Variants in MGMT observed in about 807,000 individuals in gnomAD.
MGMT encodes the protein methylated-DNA--protein-cysteine methyltransferase.
Under a neutral mutation model 15.9 loss-of-function variants are expected in MGMT, and 14 were observed. The observed-to-expected ratio is 0.88, with a 90% confidence interval of 0.58 to 1.37. The LOEUF is 1.37. Among genes scored for constraint, MGMT ranks in the 40% most tolerant of loss-of-function variants. The probability of loss-of-function intolerance (pLI) is 0.00; values close to 1 mark genes in which losing one functional copy is unlikely to be tolerated. For missense variants in MGMT, 282 were observed against 268.1 expected (o/e 1.05, Z -0.36); for synonymous variants, 130 against 118.2 (o/e 1.10, Z -0.65).
chr10:129,713,088 T>C (rs1848251654), intron 3 of MGMT, among the ~76,000 whole-genome samples: 1 of 152,208 alleles, frequency 6.6e-6, no homozygotes, highest in Admixed American at 6.5e-5. Flanking sequence ...CAGCACTTTG[T>C]ACCGATATTT....
At chr10:129,702,974 G>A (rs1848117290) in intron 2 of MGMT, among the ~76,000 whole-genome samples, 2 of 152,212 alleles carry the variant, frequency 1.3e-5, no homozygotes, top group South Asian at 4.1e-4. Flanking sequence ...CAGGGAAGGA[G>A]GAGAGGGCAG....
At chr10:129,595,841 C>G (rs1196808283) in intron 2 of MGMT, among the ~76,000 whole-genome samples, 1 of 152,098 alleles carries the variant, frequency 6.6e-6, no homozygotes, top group East Asian at 1.9e-4. Context: ...CTGTCTTGCA[C>G]TCAAGCAGAG....
At chr10:129,627,486 G>T (rs571085282) in intron 2 of MGMT, among the ~76,000 whole-genome samples, 2 of 152,254 alleles carry the variant, frequency 1.3e-5, no homozygotes, top group East Asian at 3.9e-4. Flanking sequence ...AGTGTATGAT[G>T]GTAGTGACTT....
intron 1 of MGMT, among the ~76,000 whole-genome samples, chr10:129,522,614 C>G (rs1845826159): frequency 6.6e-6 from 1 of 152,238 alleles, no homozygotes; most frequent in African/African-American, 2.4e-5. Flanking sequence ...TCTGAATGTA[C>G]AAATTCCATC....
intron 2 of MGMT, among the ~76,000 whole-genome samples, chr10:129,650,151 T>C (rs1325704006): frequency 6.6e-6 from 1 of 152,204 alleles, no homozygotes; most frequent in East Asian, 1.9e-4. Flanking sequence ...TTTGGGGGCT[T>C]CTAGCGAATA....
chr10:129,583,632 T>TC (rs2133048551), intron 2 of MGMT, among the ~76,000 whole-genome samples: 1 of 152,290 alleles, frequency 6.6e-6, no homozygotes, highest in African/African-American at 2.4e-5. Context: ...ATCTGATACA[T>TC]CCCCCTTGCC....
At chr10:129,615,201 T>C (rs1416240658) in intron 2 of MGMT, among the ~76,000 whole-genome samples, 1 of 152,198 alleles carries the variant, frequency 6.6e-6, no homozygotes, top group Admixed American at 6.5e-5. Flanking sequence ...TTCTAATGTC[T>C]AGAAATTAGG....
In MGMT at chr10:129,601,086, A is replaced by AT. The variant is rs113444809; in HGVS notation, c.125+64723dup. Among the ~76,000 whole-genome samples the AT allele has an allele frequency of 9.3e-3, 1,340 of 143,316 alleles. 16 individuals are homozygous for AT. Among genetic ancestry groups the AT allele is most frequent in the African/African-American group, 0.029 (1,134 of 39,260 alleles). 94.0% of individuals were successfully genotyped at this position (143,316 alleles called of 152,430 possible). On this transcript the variant is annotated intron_variant, in intron 2 of 4. Transcript: ENST00000651593. ...TTGGTGGCATTTTTCATCTGAAAGC[A>AT]TTTTTTTTTTTTTTAGCTCAAAAAC...
At chr10:129,675,982 C>T (rs115515123) in intron 2 of MGMT, among the ~76,000 whole-genome samples, 7,424 of 152,258 alleles carry the variant, frequency 0.049, 234 homozygotes, top group South Asian at 0.09. Flanking sequence ...CATGTGTCAC[C>T]ATTGAGTAGC....
chr10:129,489,151 G>A (rs1047156555), intron 1 of MGMT, among the ~76,000 whole-genome samples: 15 of 151,992 alleles, frequency 9.9e-5, no homozygotes, highest in African/African-American at 3.6e-4. Flanking sequence ...ATGAGTTCAG[G>A]AGTTTGAGAC....
intron 3 of MGMT, among the ~76,000 whole-genome samples, chr10:129,709,394 C>T (rs2133143952): frequency 6.6e-6 from 1 of 152,308 alleles, no homozygotes; most frequent in East Asian, 1.9e-4. Context: ...CAGGATGTTG[C>T]TGAATGGCCC....
chr10:129,518,051 C>G (rs35476297), intron 1 of MGMT, among the ~76,000 whole-genome samples: 1 of 151,738 alleles, frequency 6.6e-6, no homozygotes, highest in African/African-American at 2.4e-5. Flanking sequence ...GGGGAGGGAG[C>G]GCTGTCTCCA....
intron 2 of MGMT, among the ~76,000 whole-genome samples, chr10:129,629,245 C>G (rs929768960): frequency 6.6e-6 from 1 of 152,188 alleles, no homozygotes; most frequent in Non-Finnish European, 1.5e-5. Context: ...ATGAAACATG[C>G]CTTATAAACC....
At chr10:129,559,572 A>C (rs904008996) in intron 2 of MGMT, among the ~76,000 whole-genome samples, 6 of 150,768 alleles carry the variant, frequency 4.0e-5, no homozygotes, top group African/African-American at 1.5e-4. Context: ...CTTACCATGT[A>C]CTCCCGCTGT....
At chr10:129,747,243 T>C (rs1235387467) in intron 3 of MGMT, among the ~76,000 whole-genome samples, 1 of 152,194 alleles carries the variant, frequency 6.6e-6, no homozygotes, top group Non-Finnish European at 1.5e-5. Context: ...AGGGAGAGTT[T>C]GTTTCTTCTT....
rs560553420 is a variant in MGMT, at chr10:129,759,275, A to G, written c.348A>G (p.Gln116=). ...VKFGEVISYQ[Q]LAALAGNPKA... is the part of the protein sequence containing the mutation. ...TCGGAGAAGTGATTTCTTACCAGCA[A>G]TTAGCAGCCCTGGCAGGCAACCCCA... The change falls in exon 4 of 5, where the codon CAA becomes CAG. Residue 116 remains glutamine (Q), a synonymous_variant. Transcript: ENST00000651593. The G allele has an allele frequency of 2.6e-5, 42 of 1,614,210 alleles. 1 individual carries two copies. The South Asian group carries it at 4.3e-4, about 16-fold the overall frequency.
chr10:129,761,606 A>C (rs935565651), intron 4 of MGMT, among the ~76,000 whole-genome samples: 1 of 152,252 alleles, frequency 6.6e-6, no homozygotes, highest in African/African-American at 2.4e-5. Context: ...GTATGGCCTC[A>C]GTCACTGAAA....
At chr10:129,518,337 T>TACACACAC (rs61316662) in intron 1 of MGMT, among the ~76,000 whole-genome samples, 1,842 of 119,586 alleles carry the variant, frequency 0.015, 28 homozygotes, top group African/African-American at 0.034. Context: ...TACACACACA[T>TACACACAC]ACACACACAC....
At chr10:129,528,583 C>T (rs920705600) in intron 1 of MGMT, among the ~76,000 whole-genome samples, 5 of 151,814 alleles carry the variant, frequency 3.3e-5, no homozygotes, top group Non-Finnish European at 7.4e-5. Flanking sequence ...AAGTGTGGCC[C>T]TGCCGAATTT....
Sources: allele counts gnomAD v4.1 joint callset (sites outside exome capture counted in the v4.1 genomes callset), GRCh38; gene constraint gnomAD v4.1.1; transcripts MANE v1.5; gene names NCBI Gene and HGNC (gene_info 2026-07-23, HGNC 2026-07-21).